Variants in PARG observed in about 807,000 individuals in gnomAD.
PARG encodes the protein mitochondrial poly(ADP-ribose) glycohydrolase.
A neutral mutation model predicts 113.0 loss-of-function variants in PARG; 35 were observed. The ratio of observed to expected loss-of-function variants is 0.31; its 90% CI spans 0.24 to 0.41. The LOEUF (loss-of-function observed/expected upper bound fraction) is 0.41. Among genes scored for constraint, PARG ranks in the 10% least tolerant of loss-of-function variants. The pLI is 1.00. For missense variants in PARG, 797 were observed against 1,169.4 expected (o/e 0.68, Z 4.64); for synonymous variants, 330 against 409.9 (o/e 0.81, Z 2.36).
intron 17 of PARG, 83 bp from the exon 18 acceptor site, chr10:49,819,577 A>G (rs1395579487): frequency 2.0e-6 from 2 of 1,016,888 alleles, no homozygotes; most frequent in Non-Finnish European, 2.9e-6. Flanking sequence ...GTTTTATCTT[A>G]ATCTAAATGG....
intron 8 of PARG, among the ~76,000 whole-genome samples, chr10:49,880,154 A>T (rs145345466): frequency 2.0e-5 from 3 of 152,232 alleles, no homozygotes; most frequent in Admixed American, 6.5e-5. Flanking sequence ...AAATTAAAAC[A>T]AAAGATGAAA....
rs1554845264 is a variant in PARG, at chr10:49,907,368, A to T, written c.1737+8549T>A. Reference sequence around the variant, plus strand: ...AGGATGAGTATTTTTCTCTACTAGTACTAATAGTAAAATAAGGAGAAAGAC... The same window carrying T: ...AGGATGAGTATTTTTCTCTACTAGTTCTAATAGTAAAATAAGGAGAAAGAC... On this transcript the variant is annotated intron_variant, in intron 7 of 17. Coordinates refer to ENST00000616448, the MANE Select transcript of PARG (RefSeq NM_003631.5). 4.6e-5 allele frequency among the ~76,000 whole-genome samples: 7 copies of T among 152,300 alleles called. No individual in the cohort carries two copies. In the South Asian group the frequency reaches 1.0e-3, roughly 23 times the overall value.
intron 8 of PARG, among the ~76,000 whole-genome samples, chr10:49,880,976 T>C (rs1847186074): frequency 6.6e-6 from 1 of 152,212 alleles, no homozygotes; most frequent in Non-Finnish European, 1.5e-5. Context: ...AGAATCCCTA[T>C]TCCTTTCCAG....
intron 7 of PARG, among the ~76,000 whole-genome samples, chr10:49,912,578 G>T (rs148352706): frequency 1.8e-3 from 270 of 152,202 alleles, no homozygotes; most frequent in Non-Finnish European, 3.4e-3. Context: ...CAGGCAAATG[G>T]CTTGAACCCA....
At chr10:49,920,787 G>A (rs1837827584) in intron 6 of PARG, among the ~76,000 whole-genome samples, 1 of 151,884 alleles carries the variant, frequency 6.6e-6, no homozygotes, top group African/African-American at 2.4e-5. Flanking sequence ...GAGCCTGAGT[G>A]GTTAGCGTAT....
chr10:49,923,005 C>T (rs1288494811), intron 4 of PARG, among the ~76,000 whole-genome samples: 1 of 152,230 alleles, frequency 6.6e-6, no homozygotes, highest in Admixed American at 6.5e-5. Context: ...GCTTCTAATG[C>T]TATAACGCCT....
intron 16 of PARG, among the ~76,000 whole-genome samples, chr10:49,823,467 C>T (rs2132351433): frequency 6.6e-6 from 1 of 152,078 alleles, no homozygotes; most frequent in South Asian, 2.1e-4. Flanking sequence ...ATTGAGTACC[C>T]ACAACATGGG....
At chr10:49,894,153 C>T (rs1232282070) in intron 7 of PARG, among the ~76,000 whole-genome samples, 2 of 151,982 alleles carry the variant, frequency 1.3e-5, no homozygotes, top group African/African-American at 4.8e-5. Flanking sequence ...TCCACCTCAG[C>T]CTCCCAAGGA....
intron 10 of PARG, among the ~76,000 whole-genome samples, chr10:49,866,913 C>G (rs1846542137): frequency 6.6e-6 from 1 of 151,732 alleles, no homozygotes; most frequent in Non-Finnish European, 1.5e-5. Context: ...TTTTAAAATA[C>G]TTCAGTCTCA....
chr10:49,820,245 T>A lies in PARG; in HGVS notation c.2696A>T (p.Tyr899Phe), dbSNP rs993773451. The A allele has an allele frequency of 3.2e-6, 5 of 1,545,310 alleles. No homozygotes were observed. The African/African-American group carries it at 6.9e-5, about 21-fold the overall frequency. Residue 899 changes from tyrosine to phenylalanine, a missense_variant, in exon 17 of 18, where the codon TAT (tyrosine) becomes TTT (phenylalanine). By Grantham distance (22) the Tyr-to-Phe change is conservative (BLOSUM62 3). Coordinates refer to ENST00000616448, the MANE Select transcript of PARG (RefSeq NM_003631.5). ...AAAAAERDVVYFTFGDSELMR... is the reference protein window; with the variant it reads ...AAAAAERDVVFFTFGDSELMR... ...CAATTCTGAGTCCCCAAAGGTGAAATAAACCACATCTCGCTCAGCTGCAGC... is the reference window on the plus strand; with the variant it reads ...CAATTCTGAGTCCCCAAAGGTGAAAAAAACCACATCTCGCTCAGCTGCAGC...
At chr10:49,934,243 C>T in intron 2 of PARG, 80 bp from the exon 3 acceptor site, 1 of 674,482 alleles carries the variant, frequency 1.5e-6, no homozygotes, top group Non-Finnish European at 2.6e-6. Context: ...AGTGTCACAG[C>T]AGTAATTAAA....
intron 8 of PARG, among the ~76,000 whole-genome samples, chr10:49,883,023 G>A (rs1847289892): frequency 6.6e-6 from 1 of 150,904 alleles, no homozygotes; most frequent in African/African-American, 2.4e-5. Context: ...ACAGAAACAA[G>A]AAGATATGTT....
intron 10 of PARG, among the ~76,000 whole-genome samples, chr10:49,867,974 A>G: frequency 6.6e-6 from 1 of 152,192 alleles, no homozygotes; most frequent in Non-Finnish European, 1.5e-5. Context: ...GACCTAGAAT[A>G]GCCAAAAAAA....
intron 4 of PARG, among the ~76,000 whole-genome samples, chr10:49,926,106 G>A (rs533836557): frequency 1.2e-3 from 187 of 152,178 alleles, no homozygotes; most frequent in African/African-American, 4.4e-3. Flanking sequence ...TCTGTAATAA[G>A]CTAGAAAGTT....
chr10:49,869,079 A>G (rs1330378062), intron 10 of PARG, among the ~76,000 whole-genome samples: 1 of 150,632 alleles, frequency 6.6e-6, no homozygotes, highest in Non-Finnish European at 1.5e-5. Context: ...AGGGGGGCAC[A>G]AAAGAGAGGA....
At chr10:49,912,253 T>A (rs1267300088) in intron 7 of PARG, among the ~76,000 whole-genome samples, 1 of 152,108 alleles carries the variant, frequency 6.6e-6, no homozygotes, top group Admixed American at 6.6e-5. Flanking sequence ...TGAGCCGAGA[T>A]CATGCCATTG....
chr10:49,848,993 C>T lies in PARG; in HGVS notation c.2354-5361G>A, dbSNP rs576138974. ...GGCGGATCACCTGAGGTCGGGAGTT[C>T]GCGAGCAGCCTGACCAACATGGAGA... On this transcript the variant is annotated intron_variant, in intron 13 of 17. Transcript: ENST00000616448. Among the ~76,000 whole-genome samples, 553 of 151,928 alleles carry T rather than the reference C, an allele frequency of 3.6e-3. 2 individuals are homozygous for T. Among genetic ancestry groups the T allele is most frequent in the Non-Finnish European group, 6.3e-3 (430 of 67,918 alleles).
intron 16 of PARG, among the ~76,000 whole-genome samples, chr10:49,828,434 T>TA (rs1554829784): frequency 1.3e-5 from 2 of 152,150 alleles, no homozygotes; most frequent in Admixed American, 1.3e-4. Context: ...TCGAAAGCTT[T>TA]CACATGAGTT....
chr10:49,836,645 AAAAGT>A (rs1261540811), intron 15 of PARG, among the ~76,000 whole-genome samples: 2 of 152,144 alleles, frequency 1.3e-5, no homozygotes, highest in East Asian at 3.8e-4. Context: ...AACATTCTCG[AAAAGT>A]AAAGTGACAC....
Sources: allele counts gnomAD v4.1 joint callset (sites outside exome capture counted in the v4.1 genomes callset), GRCh38; gene constraint gnomAD v4.1.1; transcripts MANE v1.5; gene names NCBI Gene and HGNC (gene_info 2026-07-23, HGNC 2026-07-21).